The following MTMR3 variants were observed in gnomAD, a reference collection of about 807,000 sequenced individuals.
MTMR3 encodes the protein myotubularin related protein 3, also known as phosphatidylinositol-3,5-bisphosphate 3-phosphatase MTMR3.
A neutral mutation model predicts 132.4 loss-of-function variants in MTMR3; 32 were observed. The observed-to-expected ratio is 0.24, with a 90% confidence interval of 0.18 to 0.32. The LOEUF is 0.32. Ranked by LOEUF, MTMR3 falls within the 10% of genes least tolerant of loss-of-function variation. The pLI, the probability that MTMR3 is intolerant of heterozygous loss-of-function variation, is 1.00. For synonymous variants in MTMR3, 556 were observed against 550.3 expected (o/e 1.01, Z -0.14); for missense variants, 1,216 against 1,489.6 (o/e 0.82, Z 3.02).
intron 8 of MTMR3, 88 bp downstream of exon 8, chr22:29,998,945 G>A: frequency 1.3e-6 from 1 of 769,578 alleles, no homozygotes; most frequent in South Asian, 2.0e-5. Flanking sequence ...TTTGAACTTA[G>A]ACTTTTTATT....
intron 1 of MTMR3, among the ~76,000 whole-genome samples, chr22:29,949,013 G>A (rs773065383): frequency 6.6e-6 from 1 of 151,370 alleles, no homozygotes; most frequent in African/African-American, 2.4e-5. Context: ...TGAGAGGATC[G>A]CTTGAGCCTG....
chr22:29,906,171 G>A (rs1417304265), intron 1 of MTMR3, among the ~76,000 whole-genome samples: 3 of 152,048 alleles, frequency 2.0e-5, no homozygotes. Flanking sequence ...AAAGTTCATA[G>A]GAAAAACTTT....
At chr22:30,022,276 C>T in intron 18 of MTMR3, 137 bp downstream of exon 18, 1 of 676,798 alleles carries the variant, frequency 1.5e-6, no homozygotes, top group East Asian at 2.7e-5. Flanking sequence ...GGCACCTTAG[C>T]TCCTGGGAAC....
intron 1 of MTMR3, among the ~76,000 whole-genome samples, chr22:29,902,082 CT>C (rs2065011711): frequency 6.6e-6 from 1 of 152,016 alleles, no homozygotes. Flanking sequence ...GTGCCTAGAA[CT>C]TTTATAACTT....
rs1444971959 is a variant in MTMR3, at chr22:30,018,063, C to G, written c.1811C>G (p.Pro604Arg). Residue 604 changes from proline (P) to arginine (R), a missense_variant, in exon 16 of 20, where the codon CCC (proline) becomes CGC (arginine). Around this residue, in one of 7 missense-constraint regions of MTMR3, gnomAD observed 852 missense variants for 852.0 expected, o/e 1.00. Coordinates refer to ENST00000401950, the MANE Select transcript of MTMR3 (RefSeq NM_021090.4). The stretch of plus-strand genomic sequence containing the variant: ...CCAGGCACCAGCCCTGATGATCCCC[C>G]CCTGAGCCGGTGAGCCCAGGGTGAT... ...PAPGTSPDDP[P>R]LSRLPKTRSY... 5 of 1,607,616 alleles carry G rather than the reference C, an allele frequency of 3.1e-6. No homozygotes were observed. Among genetic ancestry groups the G allele is most frequent in the Non-Finnish European group, 3.4e-6 (4 of 1,178,020 alleles).
rs2067919195 is a variant in MTMR3, at chr22:30,026,768, C to G, written c.*967C>G. Reference sequence around the variant, plus strand: ...TCAGGGTTCCAGAAATCCCCCGTTCCCAAACCAAACCAATCATGGATCTTC... The same window carrying G: ...TCAGGGTTCCAGAAATCCCCCGTTCGCAAACCAAACCAATCATGGATCTTC... On this transcript the variant is annotated 3_prime_UTR_variant, in exon 20 of 20. Coordinates refer to ENST00000401950, the MANE Select transcript of MTMR3 (RefSeq NM_021090.4). The G allele has an allele frequency of 6.5e-6, 1 of 152,874 alleles. No homozygotes were observed. Among genetic ancestry groups the G allele is most frequent in the Non-Finnish European group, 1.5e-5 (1 of 68,094 alleles). The allele number at this position is 152,874 out of a possible 1,614,324, so 9.5% of individuals were successfully genotyped here. A position where few individuals can be genotyped will look rare whatever the true frequency, so the allele number is the denominator to read the frequency against.
In MTMR3 at chr22:30,020,453, C is replaced by T. The variant is rs1392962813; in HGVS notation, c.2794C>T (p.Pro932Ser). The change falls in exon 17 of 20, where the codon CCA (proline) becomes TCA (serine). Residue 932 changes from proline to serine, a missense_variant. Pro to Ser is a moderately conservative substitution (Grantham distance 74, BLOSUM62 -1). Around this residue, in one of 7 missense-constraint regions of MTMR3, gnomAD observed 852 missense variants for 852.0 expected, o/e 1.00. Coordinates refer to ENST00000401950, the MANE Select transcript of MTMR3 (RefSeq NM_021090.4). ...AGAGGGGCTTGTGTGCAATGGTGCCCCAGAGACTGAAAACAGGGCCTCAGA... is the reference window on the plus strand; with the variant it reads ...AGAGGGGCTTGTGTGCAATGGTGCCTCAGAGACTGAAAACAGGGCCTCAGA... ...CKEGLVCNGA[P>S]ETENRASEQP... 2 of 1,614,052 alleles carry T rather than the reference C, an allele frequency of 1.2e-6. No homozygotes were observed. Among genetic ancestry groups the T allele is most frequent in the East Asian group, 4.5e-5 (2 of 44,878 alleles).
intron 1 of MTMR3, among the ~76,000 whole-genome samples, chr22:29,933,810 A>G (rs1000933417): frequency 6.8e-6 from 1 of 147,884 alleles, no homozygotes; most frequent in Non-Finnish European, 1.5e-5. Flanking sequence ...GACTCAAGCC[A>G]TCCTTCTGCC....
intron 14 of MTMR3, chr22:30,014,871 A>T (rs2067536280): frequency 5.9e-5 from 9 of 152,102 alleles, no homozygotes; most frequent in Admixed American, 5.9e-4. Flanking sequence ...TCCTCCATCC[A>T]CACTTCCAAG....
At position 30,018,002 on chromosome 22, in the gene MTMR3, A is replaced by G; in HGVS notation, c.1750A>G (p.Thr584Ala). 1.2e-6 allele frequency: 2 copies of G among 1,612,878 alleles called. No individual in the cohort carries two copies. Among genetic ancestry groups the G allele is most frequent in the East Asian group, 4.5e-5 (2 of 44,758 alleles). ...AVYLPCPSPT[T>A]PVDDSCAPYP... ...GTACCTGCCCTGCCCATCCCCAACC[A>G]CCCCTGTGGACGACAGCTGTGCACC... is the stretch of plus-strand genomic sequence containing the variant. The change falls in exon 16 of 20, where the codon ACC becomes GCC. Residue 584 changes from threonine (T) to alanine (A), a missense_variant. Coordinates refer to ENST00000401950, the MANE Select transcript of MTMR3 (RefSeq NM_021090.4).
rs755212804 is a variant in MTMR3, at chr22:30,023,468, G to T, written c.3425+771G>T. The T allele has an allele frequency of 3.7e-6, 6 of 1,614,122 alleles. No individual in the cohort carries two copies. The South Asian group carries it at 5.5e-5, about 15-fold the overall frequency. ...TCCCCTCCTTGCAGGGACACTGACC[G>T]TGTTGATCAAACGTGGTGAGCATTT... On this transcript the variant is annotated intron_variant, in intron 19 of 19. Coordinates refer to ENST00000401950, the MANE Select transcript of MTMR3 (RefSeq NM_021090.4).
chr22:29,967,191 T>TG (rs1417053965), intron 2 of MTMR3, among the ~76,000 whole-genome samples: 16 of 82,100 alleles, frequency 1.9e-4, no homozygotes, highest in Non-Finnish European at 2.7e-4. Flanking sequence ...TCTTCACCTC[T>TG]GTTGTGTGTG....
At chr22:30,006,972 C>T in intron 9 of MTMR3, 142 bp from the exon 10 acceptor site, 2 of 729,530 alleles carry the variant, frequency 2.7e-6, no homozygotes, top group Non-Finnish European at 4.4e-6. Flanking sequence ...AGATTTCTAC[C>T]CTCTTTAATA....
At chr22:30,022,495 G>T in intron 18 of MTMR3, 114 bp from the exon 19 acceptor site, 2 of 861,012 alleles carry the variant, frequency 2.3e-6, no homozygotes, top group Non-Finnish European at 3.8e-6. Flanking sequence ...TGCTGGGCTG[G>T]TGCCACTGGA....
At chr22:29,950,082 A>G (rs1042384206) in intron 1 of MTMR3, among the ~76,000 whole-genome samples, 3 of 152,286 alleles carry the variant, frequency 2.0e-5, no homozygotes, top group South Asian at 4.1e-4. Flanking sequence ...CCAAAGGTAG[A>G]CCTTGGAAAT....
At chr22:29,964,610 C>G (rs2145858414) in intron 2 of MTMR3, among the ~76,000 whole-genome samples, 1 of 152,302 alleles carries the variant, frequency 6.6e-6, no homozygotes, top group African/African-American at 2.4e-5. Context: ...AGGCCTCTAC[C>G]TAAACCTGTG....
intron 19 of MTMR3, chr22:30,023,379 G>C: frequency 6.9e-7 from 1 of 1,442,236 alleles, no homozygotes; most frequent in Non-Finnish European, 9.8e-7. Flanking sequence ...TCTAGGACAT[G>C]TATCTCCCCA....
intron 5 of MTMR3, chr22:29,981,824 A>T (rs2066750162): frequency 6.9e-6 from 1 of 144,398 alleles, no homozygotes; most frequent in South Asian, 2.2e-4. Flanking sequence ...CTGTCAAAAA[A>T]AAAAAGGAAA....
intron 16 of MTMR3, 81 bp from the exon 17 acceptor site, chr22:30,019,399 C>CT: frequency 7.5e-7 from 1 of 1,342,016 alleles, no homozygotes; most frequent in Non-Finnish European, 1.0e-6. Context: ...TATGAAACAA[C>CT]TGCTTGTTAA....
Sources: allele counts gnomAD v4.1 joint callset (sites outside exome capture counted in the v4.1 genomes callset), GRCh38; gene constraint gnomAD v4.1.1; regional missense constraint gnomAD v4.1.1; transcripts MANE v1.5; gene names NCBI Gene and HGNC (gene_info 2026-07-23, HGNC 2026-07-21).